Variants in TRMT11 observed in about 807,000 individuals in gnomAD.
TRMT11 encodes the protein tRNA methyltransferase 11.
Under a neutral mutation model 62.8 loss-of-function variants are expected in TRMT11, and 53 were observed. The ratio of observed to expected loss-of-function variants is 0.84; its 90% CI spans 0.68 to 1.06. The LOEUF is 1.06. Ranked by LOEUF, TRMT11 falls within the 50% of genes least tolerant of loss-of-function variation. TRMT11 has a pLI of 0.00. For missense variants in TRMT11, 556 were observed against 553.4 expected (o/e 1.00, Z -0.05); for synonymous variants, 188 against 190.3 (o/e 0.99, Z 0.10).
intron 21 of TRMT11, among the ~76,000 whole-genome samples, chr6:126,165,191 T>A (rs1251295169): frequency 6.6e-6 from 1 of 151,230 alleles, no homozygotes; most frequent in African/African-American, 2.4e-5. Context: ...GGCAGGAGAA[T>A]CACTTGAACC....
At chr6:126,187,846 C>A (rs995652455) in intron 1 of TRMT11, among the ~76,000 whole-genome samples, 5 of 149,172 alleles carry the variant, frequency 3.4e-5, no homozygotes, top group African/African-American at 1.3e-4. Flanking sequence ...TTCCATCAAG[C>A]ACCCAGTCAG....
Position 126,152,578 on chromosome 6 carries a change from G to A in TRMT11, c.*1824-22247G>A, listed in dbSNP as rs1418809967. Reference sequence around the variant, plus strand: ...TGCCTCAGGTCAAAGAAGACAATGGGGATTAAGAGATTACAACTAATACAG... The same window carrying A: ...TGCCTCAGGTCAAAGAAGACAATGGAGATTAAGAGATTACAACTAATACAG... On this transcript the variant is annotated intron_variant and NMD_transcript_variant, in intron 21 of 22. Coordinates refer to the TRMT11 transcript ENST00000648977. 2.0e-5 allele frequency among the ~76,000 whole-genome samples: 3 copies of A among 152,038 alleles called. No homozygotes were observed. In the South Asian group the frequency reaches 6.2e-4, roughly 32 times the overall value.
chr6:126,164,560 A>T (rs770379598), intron 21 of TRMT11, among the ~76,000 whole-genome samples: 2 of 152,164 alleles, frequency 1.3e-5, no homozygotes, highest in African/African-American at 2.4e-5. Flanking sequence ...GATCTGTCTA[A>T]TATTGACAGT....
intron 17 of TRMT11, among the ~76,000 whole-genome samples, chr6:126,056,841 A>G (rs1301076425): frequency 6.6e-6 from 1 of 152,138 alleles, no homozygotes; most frequent in African/African-American, 2.4e-5. Context: ...TTCTTTATCC[A>G]CAGAAGATAG....
At chr6:126,165,301 G>C (rs763353016) in intron 21 of TRMT11, among the ~76,000 whole-genome samples, 1 of 151,156 alleles carries the variant, frequency 6.6e-6, no homozygotes, top group Non-Finnish European at 1.5e-5. Flanking sequence ...AAATTGCTAT[G>C]TGTGAATTTG....
chr6:126,026,677 G>A (rs963336266), intron 12 of TRMT11, among the ~76,000 whole-genome samples: 1 of 151,990 alleles, frequency 6.6e-6, no homozygotes. Flanking sequence ...GAGCCATCGC[G>A]CCCGGCTCTA....
At chr6:126,153,791 A>T (rs1778085199) in intron 21 of TRMT11, among the ~76,000 whole-genome samples, 1 of 152,220 alleles carries the variant, frequency 6.6e-6, no homozygotes, top group Non-Finnish European at 1.5e-5. Context: ...GTCTAATTTA[A>T]CTGTTTAAGC....
chr6:126,124,167 A>G (rs932697966), intron 21 of TRMT11, among the ~76,000 whole-genome samples: 4 of 152,078 alleles, frequency 2.6e-5, no homozygotes, highest in Admixed American at 1.3e-4. Flanking sequence ...GGTATTGGTA[A>G]TAGGCTTAAT....
At chr6:126,248,977 G>A in the TRMT11 span, among the ~76,000 whole-genome samples, 1 of 152,018 alleles carries the variant, frequency 6.6e-6, no homozygotes, top group East Asian at 1.9e-4. Flanking sequence ...GATGTCTTTT[G>A]TAATCTATCC....
chr6:126,228,260 C>T, the TRMT11 span, among the ~76,000 whole-genome samples: 9 of 152,178 alleles, frequency 5.9e-5, no homozygotes, highest in African/African-American at 2.2e-4. Flanking sequence ...GGCTTGTGAT[C>T]TGAGGCTAGG....
At position 126,143,182 on chromosome 6, in the gene TRMT11, A is replaced by C. The variant is rs147870679; in HGVS notation, c.*1823+27327A>C. On this transcript the variant is annotated intron_variant and NMD_transcript_variant, in intron 21 of 22. Coordinates refer to the TRMT11 transcript ENST00000648977. Reference sequence around the variant, plus strand: ...TAAGTCCCTGTGCAAATAGGACTCCAAAAAATAATTTTTTTCTGAGTATTA... The same window carrying C: ...TAAGTCCCTGTGCAAATAGGACTCCCAAAAATAATTTTTTTCTGAGTATTA... Among the ~76,000 whole-genome samples the C allele has an allele frequency of 9.8e-3, 1,492 of 152,240 alleles. 15 individuals are homozygous for C. The highest frequency in any genetic ancestry group is 0.034 in the African/African-American group (1,431 of 41,568).
chr6:126,262,300 A>C, the TRMT11 span, among the ~76,000 whole-genome samples: 1 of 152,148 alleles, frequency 6.6e-6, no homozygotes, highest in Admixed American at 6.5e-5. Flanking sequence ...GTACAACATG[A>C]GTTCATGTGG....
chr6:126,196,650 A>C (rs1243870853), intron 1 of TRMT11, among the ~76,000 whole-genome samples: 1 of 152,054 alleles, frequency 6.6e-6, no homozygotes, highest in Non-Finnish European at 1.5e-5. Context: ...GAAGTGTGAC[A>C]GAATATCTGT....
intron 11 of TRMT11, among the ~76,000 whole-genome samples, chr6:126,017,314 C>A (rs1028940955): frequency 1.3e-5 from 2 of 152,076 alleles, no homozygotes; most frequent in Non-Finnish European, 2.9e-5. Flanking sequence ...TATTTTAACC[C>A]AGGATTGATT....
intron 21 of TRMT11, among the ~76,000 whole-genome samples, chr6:126,129,073 A>G (rs1164389288): frequency 6.6e-6 from 1 of 152,066 alleles, no homozygotes; most frequent in Non-Finnish European, 1.5e-5. Context: ...CCAAGCACCA[A>G]GCCTTTCTGG....
chr6:125,999,594 T>A lies in TRMT11; in HGVS notation c.660T>A (p.Phe220Leu). The A allele has an allele frequency of 6.2e-7, 1 of 1,610,804 alleles. No individual in the cohort carries two copies. The highest frequency in any genetic ancestry group is 8.5e-7 in the Non-Finnish European group (1 of 1,178,324). The stretch of plus-strand genomic sequence containing the variant: ...AAGTGAAAGAAAATGATATTGTCTT[T>A]GATCCATTTGTTGGAACAGGTATTT... ...HGKVKENDIVFDPFVGTGGLL... is the reference protein window; with the variant it reads ...HGKVKENDIVLDPFVGTGGLL... The change falls in exon 7 of 13, where the codon TTT becomes TTA. Residue 220 changes from phenylalanine to leucine, a missense_variant. Transcript: ENST00000334379.
intron 12 of TRMT11, among the ~76,000 whole-genome samples, chr6:126,033,316 T>C (rs1367320197): frequency 6.6e-6 from 1 of 152,164 alleles, no homozygotes; most frequent in East Asian, 1.9e-4. Flanking sequence ...CAAATGTGAC[T>C]ACAGAACATA....
In TRMT11 at chr6:126,072,275, A is replaced by G. The variant is rs372297629; in HGVS notation, c.*1437+19085A>G. On this transcript the variant is annotated intron_variant and NMD_transcript_variant, in intron 17 of 22. Transcript: ENST00000648977. ...TTGAACTAATGCTGCCCTTTAGCAT[A>G]AGGTCATAGAACACATGCTTCTGAG... is the stretch of plus-strand genomic sequence containing the variant. Among the ~76,000 whole-genome samples, 29 of 152,312 alleles carry G rather than the reference A, an allele frequency of 1.9e-4. 1 individual carries two copies. The highest frequency in any genetic ancestry group is 1.6e-3 in the Admixed American group (24 of 15,294).
intron 21 of TRMT11, among the ~76,000 whole-genome samples, chr6:126,127,937 C>T (rs1777737489): frequency 1.3e-5 from 2 of 152,064 alleles, no homozygotes; most frequent in Admixed American, 1.3e-4. Flanking sequence ...TCCTGGGATT[C>T]TACAGTGTTT....
Sources: gnomAD v4.1 joint callset for allele counts (sites outside exome capture counted in the v4.1 genomes callset) on GRCh38, gnomAD v4.1.1 for gene constraint, MANE v1.5 for transcripts, NCBI Gene and HGNC (gene_info 2026-07-23, HGNC 2026-07-21) for gene names.